Variants in RBM25 observed in about 807,000 individuals in gnomAD.
RBM25 encodes RNA binding motif protein 25.
A neutral mutation model predicts 120.7 loss-of-function variants in RBM25; 19 were observed. The ratio of observed to expected loss-of-function variants is 0.16; its 90% CI spans 0.11 to 0.23. The LOEUF (loss-of-function observed/expected upper bound fraction) is 0.23, where lower values mean the gene tolerates loss of function less well. RBM25 is among the 10% of genes least tolerant of loss of function. The probability of loss-of-function intolerance (pLI) is 1.00; values close to 1 mark genes in which losing one functional copy is unlikely to be tolerated. For synonymous variants in RBM25, 390 were observed against 326.7 expected, an observed-to-expected ratio of 1.19 and a Z score of -2.09; for missense variants, 605 against 1,041.5, an observed-to-expected ratio of 0.58 and a Z score of 5.77.
intron 4 of RBM25, among the ~76,000 whole-genome samples, chr14:73,082,447 A>C (rs2333028): frequency 0.085 from 12,916 of 151,984 alleles, 649 homozygotes; most frequent in Middle Eastern, 0.2. Context: ...GTGTGCCACC[A>C]CGCCCGCCTA....
rs1360369746 is a variant in RBM25, at chr14:73,122,100, CTAGTGTCT to C, written c.*2296_*2303del. The stretch of plus-strand genomic sequence containing the variant: ...GAATTAGACATTAAACAGGCATATT[CTAGTGTCT>C]GAAAATACACATAAGAAATTTCTAT... On this transcript the variant is annotated 3_prime_UTR_variant, in exon 19 of 19. Coordinates refer to ENST00000261973, the MANE Select transcript of RBM25 (RefSeq NM_021239.3). The C allele has an allele frequency of 6.6e-6, 1 of 152,144 alleles. No homozygotes were observed. Among genetic ancestry groups the C allele is most frequent in the African/African-American group, 2.4e-5 (1 of 41,426 alleles). 9.4% of individuals were successfully genotyped at this position (152,144 alleles called of 1,614,324 possible). A position where few individuals can be genotyped will look rare whatever the true frequency, so the allele number is the denominator to read the frequency against.
intron 4 of RBM25, 88 bp downstream of exon 4, chr14:73,077,624 T>C: frequency 8.0e-7 from 1 of 1,246,100 alleles, no homozygotes; most frequent in Non-Finnish European, 1.1e-6. Flanking sequence ...CAGTGATTGC[T>C]TTTTATTTTA....
chr14:73,095,913 A>G (rs980510447), intron 6 of RBM25, among the ~76,000 whole-genome samples: 9 of 152,198 alleles, frequency 5.9e-5, no homozygotes, highest in Non-Finnish European at 1.2e-4. Flanking sequence ...TAGCACAACT[A>G]TTGTAGCACA....
intron 4 of RBM25, among the ~76,000 whole-genome samples, chr14:73,082,402 C>CCGT (rs894108118): frequency 2.4e-4 from 36 of 152,148 alleles, no homozygotes; most frequent in African/African-American, 8.2e-4. Flanking sequence ...AGCCATCCAT[C>CCGT]CGTCTCATCC....
At position 73,079,674 on chromosome 14, in the gene RBM25, C is replaced by T. The variant is rs145555545; in HGVS notation, c.324+2138C>T. On this transcript the variant is annotated intron_variant, in intron 4 of 18. Transcript: ENST00000261973. Reference sequence around the variant, plus strand: ...TGCTGGGCAATTACTTTACATCATTCATGATTCTTGTTCCTCAACTATTCA... The same window carrying T: ...TGCTGGGCAATTACTTTACATCATTTATGATTCTTGTTCCTCAACTATTCA... Among the ~76,000 whole-genome samples, 648 of 150,798 alleles carry T rather than the reference C, an allele frequency of 4.3e-3. 15 individuals carry two copies. The highest frequency in any genetic ancestry group is 0.015 in the African/African-American group (607 of 41,418).
At chr14:73,103,992 A>ACTCTCTCT (rs1202202198) in intron 10 of RBM25, among the ~76,000 whole-genome samples, 8 of 113,538 alleles carry the variant, frequency 7.0e-5, no homozygotes, top group South Asian at 3.3e-4. Context: ...ACACACACAC[A>ACTCTCTCT]CACTCTCTCT....
intron 1 of RBM25, chr14:73,068,059 G>A (rs533470797): frequency 8.6e-5 from 44 of 512,056 alleles, no homozygotes; most frequent in African/African-American, 6.7e-4. Context: ...CTGGTTTAGC[G>A]TGAGCAGTGA....
At chr14:73,097,191 C>CTTTTTTTT (rs202085217) in intron 7 of RBM25, 91 bp downstream of exon 7, 16 of 375,678 alleles carry the variant, frequency 4.3e-5, no homozygotes, top group Admixed American at 2.2e-4. Context: ...TTTCTTTTTT[C>CTTTTTTTT]TTTTCTTTTT....
chr14:73,083,335 T>C (rs969570539), intron 4 of RBM25, among the ~76,000 whole-genome samples, 159 bp from the exon 5 acceptor site: 1 of 152,222 alleles, frequency 6.6e-6, no homozygotes, highest in African/African-American at 2.4e-5. Context: ...TTCTTTCATG[T>C]GATAAGTTTG....
chr14:73,088,516 T>A, intron 6 of RBM25: 2 of 402,524 alleles, frequency 5.0e-6, no homozygotes, highest in South Asian at 1.9e-5. Context: ...TTTTTATTAG[T>A]TTCCCTCTCT....
At chr14:73,079,832 A>G (rs1241019030) in intron 4 of RBM25, among the ~76,000 whole-genome samples, 1 of 150,292 alleles carries the variant, frequency 6.7e-6, no homozygotes, top group African/African-American at 2.4e-5. Flanking sequence ...ATTTTTGGTA[A>G]TTTCAGTCTG....
At chr14:73,091,750 A>G (rs1177402011) in intron 6 of RBM25, among the ~76,000 whole-genome samples, 1 of 151,936 alleles carries the variant, frequency 6.6e-6, no homozygotes, top group African/African-American at 2.4e-5. Context: ...GGTGGTGCAC[A>G]CCTGTAATCC....
At chr14:73,068,419 G>A in intron 1 of RBM25, 1 of 657,288 alleles carries the variant, frequency 1.5e-6, no homozygotes, top group East Asian at 3.1e-5. Flanking sequence ...TCATTTACAG[G>A]ATCTGAGACT....
In RBM25 at chr14:73,093,954, T is replaced by TTG. The variant is rs1555345322; in HGVS notation, c.544-2960_544-2959insGT. Reference sequence around the variant, plus strand: ...TCTACCATGATCAGGTTTTGTTTTTTTTTTTTTTTTTTCTTGAGACAGAGT... The same window carrying TTG: ...TCTACCATGATCAGGTTTTGTTTTTTTGTTTTTTTTTTTTCTTGAGACAGAGT... On this transcript the variant is annotated intron_variant, in intron 6 of 18. Coordinates refer to ENST00000261973, the MANE Select transcript of RBM25 (RefSeq NM_021239.3). Among the ~76,000 whole-genome samples, 213 of 148,356 alleles carry TTG rather than the reference T, an allele frequency of 1.4e-3. 1 individual carries two copies. Among genetic ancestry groups the TTG allele is most frequent in the African/African-American group, 5.0e-3 (201 of 40,020 alleles).
Position 73,114,346 on chromosome 14 carries a change from T to C in RBM25, c.2439+13T>C. 1.3e-6 allele frequency: 2 copies of C among 1,548,734 alleles called. No individual in the cohort carries two copies. The highest frequency in any genetic ancestry group is 1.9e-5 in the Admixed American group (1 of 53,388). ...TGATGTTGCCATGGTAAGTTAGAAA[T>C]TCACTATTTTTATTTCTTTTAATTT... On this transcript the variant is annotated intron_variant, in intron 18 of 18. Coordinates refer to ENST00000261973, the MANE Select transcript of RBM25 (RefSeq NM_021239.3).
At chr14:73,096,119 A>G (rs1210103509) in intron 6 of RBM25, among the ~76,000 whole-genome samples, 1 of 152,096 alleles carries the variant, frequency 6.6e-6, no homozygotes, top group African/African-American at 2.4e-5. Flanking sequence ...CTGGAATTAT[A>G]GGCATGCACC....
chr14:73,119,360 G>A (rs574554816), intron 18 of RBM25, among the ~76,000 whole-genome samples: 1 of 151,882 alleles, frequency 6.6e-6, no homozygotes, highest in Non-Finnish European at 1.5e-5. Context: ...CCGCCTCCTG[G>A]GTTCACGTCA....
At chr14:73,068,418 G>A in intron 1 of RBM25, 2 of 631,748 alleles carry the variant, frequency 3.2e-6, no homozygotes, top group Non-Finnish European at 5.7e-6. Context: ...TTCATTTACA[G>A]GATCTGAGAC....
chr14:73,097,717 C>T (rs1399460916), intron 7 of RBM25, among the ~76,000 whole-genome samples: 1 of 152,136 alleles, frequency 6.6e-6, no homozygotes, highest in African/African-American at 2.4e-5. Flanking sequence ...GATTTCCACC[C>T]ACTCTTAATT....
Sources: allele counts gnomAD v4.1 joint callset (sites outside exome capture counted in the v4.1 genomes callset), GRCh38; gene constraint gnomAD v4.1.1; transcripts MANE v1.5; gene names NCBI Gene and HGNC (gene_info 2026-07-23, HGNC 2026-07-21).